The following RBFOX1 variants were observed in gnomAD, a reference collection of about 807,000 sequenced individuals.
The protein encoded by RBFOX1 is RNA binding fox-1 homolog 1.
RBFOX1 carries 8 observed loss-of-function variants against 57.7 expected under a neutral mutation model. That is an observed-to-expected ratio of 0.14 (90% CI 0.08 to 0.25). RBFOX1 has a LOEUF of 0.25. RBFOX1 is among the 10% of genes least tolerant of loss of function. The pLI, the probability that RBFOX1 is intolerant of heterozygous loss-of-function variation, is 1.00. For synonymous variants in RBFOX1, 326 were observed against 222.4 expected (o/e 1.47, Z -4.15); for missense variants, 611 against 548.5 (o/e 1.11, Z -1.14).
At chr16:6,014,654 C>T (rs1489672698), upstream of RBFOX1, among the ~76,000 whole-genome samples, 2 of 152,080 alleles carry the variant, frequency 1.3e-5, no homozygotes, top group East Asian at 1.9e-4. Flanking sequence ...TAGTTGACTC[C>T]GTTTGTGAGA....
chr16:6,715,098 G>C (rs1450593653), intron 3 of RBFOX1, among the ~76,000 whole-genome samples: 1 of 152,098 alleles, frequency 6.6e-6, no homozygotes, highest in African/African-American at 2.4e-5. Flanking sequence ...GCAGCAGGGA[G>C]TGGTGAATAC....
At chr16:7,165,371 A>C (rs1359672845) in intron 4 of RBFOX1, among the ~76,000 whole-genome samples, 2 of 124,636 alleles carry the variant, frequency 1.6e-5, no homozygotes, top group African/African-American at 5.4e-5. Context: ...CTAGAGGCCC[A>C]GATCATAACT....
chr16:7,562,056 G>A (rs895109440), intron 5 of RBFOX1, among the ~76,000 whole-genome samples: 9 of 152,206 alleles, frequency 5.9e-5, no homozygotes, highest in East Asian at 3.9e-4. Context: ...GGTTGGAGGC[G>A]TCAGCCAGAA....
intron 2 of RBFOX1, among the ~76,000 whole-genome samples, chr16:6,588,381 G>A (rs771925176): frequency 6.0e-5 from 9 of 149,166 alleles, no homozygotes; most frequent in Non-Finnish European, 1.0e-4. Flanking sequence ...GGCTGGGTGC[G>A]ATGGCTCACG....
chr16:5,368,669 C>T (rs12929991), intron 1 of RBFOX1, among the ~76,000 whole-genome samples: 26,166 of 152,086 alleles, frequency 0.17, 2,653 homozygotes, highest in Non-Finnish European at 0.22. Context: ...AAAGGCCATC[C>T]TTTAAAAAAA....
chr16:6,983,231 T>C (rs1282970409), intron 3 of RBFOX1, among the ~76,000 whole-genome samples: 1 of 152,074 alleles, frequency 6.6e-6, no homozygotes, highest in Non-Finnish European at 1.5e-5. Context: ...CTTTATCCTC[T>C]TGGTGATGGC....
intron 2 of RBFOX1, among the ~76,000 whole-genome samples, chr16:6,535,256 A>G (rs1483103557): frequency 6.6e-6 from 1 of 152,162 alleles, no homozygotes; most frequent in Non-Finnish European, 1.5e-5. Context: ...TTCCAGCCAG[A>G]GCTCTGTCTA....
At chr16:6,898,345 A>C (rs1359529185) in intron 3 of RBFOX1, among the ~76,000 whole-genome samples, 2 of 152,100 alleles carry the variant, frequency 1.3e-5, no homozygotes, top group South Asian at 4.2e-4. Context: ...GGGGGTGAGG[A>C]GAGCAGTCAG....
At chr16:5,365,987 A>C in intron 1 of RBFOX1, 2 of 499,376 alleles carry the variant, frequency 4.0e-6, no homozygotes, top group Non-Finnish European at 7.9e-6. Flanking sequence ...AAGCAGAGGC[A>C]GTGAATTAGA....
At chr16:5,468,323 G>A (rs1055220162) in intron 2 of RBFOX1, among the ~76,000 whole-genome samples, 1 of 151,956 alleles carries the variant, frequency 6.6e-6, no homozygotes, top group Non-Finnish European at 1.5e-5. Context: ...GTAAAGCCCT[G>A]TACCCATTAA....
In RBFOX1 at chr16:7,402,154, G is replaced by C. The variant is rs1042509481; in HGVS notation, c.28-115993G>C. Among the ~76,000 whole-genome samples the C allele has an allele frequency of 2.6e-5, 4 of 152,044 alleles. 1 individual carries two copies. The highest frequency in any genetic ancestry group is 5.9e-5 in the Non-Finnish European group (4 of 68,028). On this transcript the variant is annotated intron_variant, in intron 4 of 15. Transcript: ENST00000550418. ...TGCCAAATTGAAAAATATATATATT[G>C]TGTTATAAAACTCGAGCTGTGATGA...
At position 6,557,064 on chromosome 16, in the gene RBFOX1, CAT is replaced by C. The variant is rs1567672406; in HGVS notation, c.-63-97537_-63-97536del. Among the ~76,000 whole-genome samples the C allele has an allele frequency of 3.3e-4, 46 of 141,222 alleles. No homozygotes were observed. In the East Asian group the frequency reaches 8.0e-3, roughly 25 times the overall value. The allele number at this position is 141,222 out of a possible 152,430, so 92.6% of individuals were successfully genotyped here. A position where few individuals can be genotyped will look rare whatever the true frequency, so the allele number is the denominator to read the frequency against. On this transcript the variant is annotated intron_variant, in intron 2 of 15. Transcript: ENST00000550418. ...ATATATACATATATATACATATATA[CAT>C]ACATATATACATATATACATACATA... is the stretch of plus-strand genomic sequence containing the variant.
At chr16:5,724,167 G>GT (rs977339446) in intron 3 of RBFOX1, among the ~76,000 whole-genome samples, 62 of 152,300 alleles carry the variant, frequency 4.1e-4, no homozygotes, top group African/African-American at 1.5e-3. Context: ...AGAAGAGAAT[G>GT]TTTTTTCCTG....
intron 2 of RBFOX1, among the ~76,000 whole-genome samples, chr16:5,533,732 C>G (rs1000284395): frequency 4.1e-4 from 62 of 152,120 alleles, no homozygotes; most frequent in African/African-American, 1.5e-3. Context: ...GAGTGTGTTT[C>G]AAGGTTACCG....
chr16:6,595,702 A>T (rs912924308), intron 2 of RBFOX1, among the ~76,000 whole-genome samples: 4 of 152,122 alleles, frequency 2.6e-5, no homozygotes, highest in African/African-American at 9.7e-5. Flanking sequence ...CCTTTTGTCC[A>T]CATCGTCACG....
At chr16:6,223,854 A>G (rs1191664272) in intron 1 of RBFOX1, among the ~76,000 whole-genome samples, 1 of 152,136 alleles carries the variant, frequency 6.6e-6, no homozygotes, top group Non-Finnish European at 1.5e-5. Context: ...TTAAGTCTTT[A>G]ATCCATCTTG....
At chr16:6,768,593 A>G (rs1350803752) in intron 3 of RBFOX1, among the ~76,000 whole-genome samples, 2 of 151,938 alleles carry the variant, frequency 1.3e-5, no homozygotes, top group Non-Finnish European at 2.9e-5. Flanking sequence ...ATCAATAAAT[A>G]CACATCTACA....
At chr16:6,200,776 A>T (rs955343599) in intron 1 of RBFOX1, among the ~76,000 whole-genome samples, 7 of 152,112 alleles carry the variant, frequency 4.6e-5, no homozygotes, top group African/African-American at 9.7e-5. Context: ...CTTACCTGAA[A>T]CCAGATGGTA....
intron 1 of RBFOX1, among the ~76,000 whole-genome samples, chr16:6,245,398 A>G (rs2097563677): frequency 6.6e-6 from 1 of 152,242 alleles, no homozygotes; most frequent in Admixed American, 6.5e-5. Context: ...ATGTATCTGC[A>G]CCAATAATTC....
Sources: allele counts gnomAD v4.1 joint callset (sites outside exome capture counted in the v4.1 genomes callset), GRCh38; gene constraint gnomAD v4.1.1; transcripts MANE v1.5; gene names NCBI Gene and HGNC (gene_info 2026-07-23, HGNC 2026-07-21).